Variants in PPP1R9A observed in about 807,000 individuals in gnomAD.
The protein encoded by PPP1R9A is neurabin-1.
In PPP1R9A, 59 loss-of-function variants were observed where a neutral mutation model predicts 141.9. The ratio of observed to expected loss-of-function variants is 0.42; its 90% CI spans 0.34 to 0.52. The LOEUF is 0.52. Ranked by LOEUF, PPP1R9A falls within the 20% of genes least tolerant of loss-of-function variation. The probability of loss-of-function intolerance (pLI) is 0.10; values close to 1 mark genes in which losing one functional copy is unlikely to be tolerated. For missense variants in PPP1R9A, 1,444 were observed against 1,611.9 expected (o/e 0.90, Z 1.78); for synonymous variants, 500 against 569.7 (o/e 0.88, Z 1.74).
chr7:95,089,372 A>G (rs987841483), intron 2 of PPP1R9A, among the ~76,000 whole-genome samples: 23 of 152,194 alleles, frequency 1.5e-4, no homozygotes, highest in African/African-American at 5.3e-4. Context: ...ATAGAGAACC[A>G]TTCTGAAAGA....
chr7:95,284,011 A>C lies in PPP1R9A; in HGVS notation c.3297-7A>C. On this transcript the variant is annotated splice_polypyrimidine_tract_variant and splice_region_variant and intron_variant, in intron 16 of 19. Coordinates refer to ENST00000433360, the MANE Select transcript of PPP1R9A (RefSeq NM_001166160.2). Reference sequence around the variant, plus strand: ...TATCTAACACACCCATTCTTTTCACAAAACAGGATCTTCAGAGGCAGACTG... The same window carrying C: ...TATCTAACACACCCATTCTTTTCACCAAACAGGATCTTCAGAGGCAGACTG... 2 of 1,579,158 alleles carry C rather than the reference A, an allele frequency of 1.3e-6. No individual in the cohort carries two copies. Among genetic ancestry groups the C allele is most frequent in the Non-Finnish European group, 1.7e-6 (2 of 1,167,122 alleles).
chr7:95,118,409 T>A (rs1336635722), intron 3 of PPP1R9A, among the ~76,000 whole-genome samples: 2 of 152,116 alleles, frequency 1.3e-5, no homozygotes, highest in African/African-American at 2.4e-5. Context: ...GCATTAAAGT[T>A]TTCACACTAA....
chr7:94,980,045 T>C (rs967626215), intron 2 of PPP1R9A, among the ~76,000 whole-genome samples: 2 of 152,082 alleles, frequency 1.3e-5, no homozygotes, highest in Non-Finnish European at 1.5e-5. Flanking sequence ...ATTGTCTAGA[T>C]TGATGCTTGT....
chr7:95,106,556 C>G (rs1819542879), intron 2 of PPP1R9A, among the ~76,000 whole-genome samples: 1 of 152,078 alleles, frequency 6.6e-6, no homozygotes, highest in African/African-American at 2.4e-5. Context: ...ATTTAGCAAG[C>G]CATTTTCTCT....
chr7:94,957,892 T>C (rs1238949566), intron 2 of PPP1R9A, among the ~76,000 whole-genome samples: 1 of 152,080 alleles, frequency 6.6e-6, no homozygotes, highest in African/African-American at 2.4e-5. Context: ...AGAAAGCAAC[T>C]ATATATTTGA....
At chr7:95,065,435 C>T (rs532904121) in intron 2 of PPP1R9A, among the ~76,000 whole-genome samples, 2 of 152,074 alleles carry the variant, frequency 1.3e-5, no homozygotes, top group African/African-American at 4.8e-5. Flanking sequence ...CAGAATTATT[C>T]TAGATATATA....
chr7:95,135,991 CT>C (rs895110871), intron 4 of PPP1R9A, among the ~76,000 whole-genome samples: 12 of 147,896 alleles, frequency 8.1e-5, no homozygotes, highest in African/African-American at 3.0e-4. Flanking sequence ...AGAATTTCTT[CT>C]TGCCTTTATC....
intron 6 of PPP1R9A, among the ~76,000 whole-genome samples, chr7:95,202,059 AGAAATAGATCCT>A (rs1421086907): frequency 6.6e-6 from 1 of 152,194 alleles, no homozygotes; most frequent in African/African-American, 2.4e-5. Flanking sequence ...TCACAATGGG[AGAAATAGATCCT>A]GAAATTATAA....
chr7:94,953,367 T>C (rs1476571808), intron 2 of PPP1R9A, among the ~76,000 whole-genome samples: 1 of 152,184 alleles, frequency 6.6e-6, no homozygotes, highest in East Asian at 1.9e-4. Flanking sequence ...TGTAGCCTTG[T>C]AGTATAATTT....
intron 4 of PPP1R9A, among the ~76,000 whole-genome samples, chr7:95,140,174 C>T (rs1337932196): frequency 6.6e-6 from 1 of 152,100 alleles, no homozygotes; most frequent in African/African-American, 2.4e-5. Context: ...GGAGCGTAAG[C>T]TAGAGAGAAC....
chr7:94,981,854 T>C (rs1358051426), intron 2 of PPP1R9A, among the ~76,000 whole-genome samples: 1 of 152,170 alleles, frequency 6.6e-6, no homozygotes, highest in African/African-American at 2.4e-5. Flanking sequence ...CTTTAAGTTC[T>C]AGGGTACCTG....
chr7:94,926,972 G>A (rs1483456842), intron 2 of PPP1R9A, among the ~76,000 whole-genome samples: 3 of 151,960 alleles, frequency 2.0e-5, no homozygotes, highest in Non-Finnish European at 4.4e-5. Flanking sequence ...TTTCCTCCGT[G>A]AATTACATTA....
intron 2 of PPP1R9A, among the ~76,000 whole-genome samples, chr7:95,094,249 A>G (rs1454927606): frequency 6.6e-6 from 1 of 152,192 alleles, no homozygotes; most frequent in Non-Finnish European, 1.5e-5. Flanking sequence ...GCATGTTTGA[A>G]CTATATTCTC....
chr7:95,119,742 C>G (rs900016894), intron 3 of PPP1R9A, among the ~76,000 whole-genome samples: 24 of 152,080 alleles, frequency 1.6e-4, no homozygotes, highest in African/African-American at 2.2e-4. Flanking sequence ...ACGTGAGCCA[C>G]TGTGCCCAGG....
At chr7:95,276,028 T>G (rs1366410001) in intron 16 of PPP1R9A, among the ~76,000 whole-genome samples, 2 of 152,122 alleles carry the variant, frequency 1.3e-5, no homozygotes, top group African/African-American at 4.8e-5. Context: ...ACTTTGTGTG[T>G]TAAAATTAAG....
intron 2 of PPP1R9A, among the ~76,000 whole-genome samples, chr7:95,061,203 C>T (rs887786702): frequency 2.0e-5 from 3 of 152,142 alleles, no homozygotes; most frequent in African/African-American, 7.2e-5. Flanking sequence ...TTCTTGCCTT[C>T]CTGGGCTTGT....
intron 2 of PPP1R9A, among the ~76,000 whole-genome samples, chr7:94,921,651 A>G (rs1030174275): frequency 3.9e-5 from 6 of 152,042 alleles, no homozygotes; most frequent in African/African-American, 1.2e-4. Flanking sequence ...GGGGAAAGGC[A>G]AAACTTATTG....
At chr7:95,220,584 G>A (rs528727986) in intron 7 of PPP1R9A, among the ~76,000 whole-genome samples, 1 of 152,192 alleles carries the variant, frequency 6.6e-6, no homozygotes, top group South Asian at 2.1e-4. Context: ...GTGCTATGCA[G>A]ATGTGGCTAC....
intron 2 of PPP1R9A, among the ~76,000 whole-genome samples, chr7:94,952,416 A>G (rs528017374): frequency 5.3e-5 from 8 of 152,246 alleles, no homozygotes; most frequent in Admixed American, 6.5e-5. Flanking sequence ...ATAAACATAC[A>G]TGTGCATGTG....
Sources: gnomAD v4.1 joint callset for allele counts (sites outside exome capture counted in the v4.1 genomes callset) on GRCh38, gnomAD v4.1.1 for gene constraint, MANE v1.5 for transcripts, NCBI Gene and HGNC (gene_info 2026-07-23, HGNC 2026-07-21) for gene names.